Variants in IL31RA observed in about 807,000 individuals in gnomAD.
IL31RA encodes interleukin-31 receptor subunit alpha.
Under a neutral mutation model 83.7 loss-of-function variants are expected in IL31RA, and 66 were observed. The observed-to-expected ratio is 0.79, with a 90% CI of 0.65 to 0.97. The LOEUF is 0.97. Ranked by LOEUF, IL31RA falls within the 50% of genes least tolerant of loss-of-function variation. The pLI is 0.00. For synonymous variants in IL31RA, 325 were observed against 329.0 expected, an observed-to-expected ratio of 0.99 and a Z score of 0.13; for missense variants, 798 against 919.4, an observed-to-expected ratio of 0.87 and a Z score of 1.71.
rs760987920 is a variant in IL31RA at position 55,917,902 on chromosome 5, C to T, written c.*782C>T. ...AGCCTGGGAGCAGAAAGGCACCTGACATTGCAGTGGTTGTCATATAGGGAC... is the reference window on the plus strand; with the variant it reads ...AGCCTGGGAGCAGAAAGGCACCTGATATTGCAGTGGTTGTCATATAGGGAC... On this transcript the variant is annotated 3_prime_UTR_variant, in exon 15 of 15. Coordinates refer to ENST00000652347, the MANE Select transcript of IL31RA (RefSeq NM_139017.7). Among the ~76,000 whole-genome samples, 1 of 152,190 alleles carries T rather than the reference C, an allele frequency of 6.6e-6. No individual in the cohort carries two copies. Among genetic ancestry groups the T allele is most frequent in the South Asian group, 2.1e-4 (1 of 4,838 alleles).
intron 8 of IL31RA, among the ~76,000 whole-genome samples, chr5:55,901,677 G>A (rs1195514477): frequency 2.0e-5 from 3 of 151,618 alleles, no homozygotes; most frequent in African/African-American, 7.3e-5. Flanking sequence ...GTGCAATGGT[G>A]TGATCTCAGC....
At chr5:55,861,762 A>G (rs1367811242) in intron 2 of IL31RA, among the ~76,000 whole-genome samples, 1 of 152,104 alleles carries the variant, frequency 6.6e-6, no homozygotes, top group African/African-American at 2.4e-5. Context: ...TCTGTCTTCT[A>G]TCTCTGTTTT....
At chr5:55,908,971 A>G (rs1749334268) in intron 11 of IL31RA, 6 of 826,564 alleles carry the variant, frequency 7.3e-6, no homozygotes, top group Non-Finnish European at 9.2e-6. Flanking sequence ...ATATTGTGCA[A>G]CCATCACCAC....
rs1256983893 is a variant in IL31RA at position 55,921,379 on chromosome 5, G to A, written c.*4259G>A. Reference sequence around the variant, plus strand: ...GAACATCCATGAAAAACCCCATGGCGGGCCTGCATGGTGTGGTTTGCTAAG... The same window carrying A: ...GAACATCCATGAAAAACCCCATGGCAGGCCTGCATGGTGTGGTTTGCTAAG... On this transcript the variant is annotated 3_prime_UTR_variant, in exon 15 of 15. Coordinates refer to ENST00000652347, the MANE Select transcript of IL31RA (RefSeq NM_139017.7). Among the ~76,000 whole-genome samples, 2 of 152,194 alleles carry A rather than the reference G, an allele frequency of 1.3e-5. No homozygotes were observed. Among genetic ancestry groups the A allele is most frequent in the East Asian group, 1.9e-4 (1 of 5,200 alleles).
At chr5:55,886,268 C>CTTTGTTTTTTTT (rs1747602818) in intron 5 of IL31RA, among the ~76,000 whole-genome samples, 1 of 71,510 alleles carries the variant, frequency 1.4e-5, no homozygotes, top group African/African-American at 7.3e-5. Flanking sequence ...TGCTTGCTTG[C>CTTTGTTTTTTTT]TTTTTTTTTT....
At position 55,864,001 on chromosome 5, in the gene IL31RA, G is replaced by A. The variant is rs992304824; in HGVS notation, c.154+4402G>A. Among the ~76,000 whole-genome samples the A allele has an allele frequency of 2.0e-5, 3 of 152,080 alleles. No homozygotes were observed. In the East Asian group the frequency reaches 5.8e-4, roughly 29 times the overall value. ...CTATTCCTCCATTGATATCTTGGTG[G>A]CTGGCTTTGGATTCAACCAACGCAA... On this transcript the variant is annotated intron_variant, in intron 2 of 14. Coordinates refer to ENST00000652347, the MANE Select transcript of IL31RA (RefSeq NM_139017.7).
chr5:55,866,918 T>G (rs1261073399), intron 2 of IL31RA, among the ~76,000 whole-genome samples: 3 of 152,228 alleles, frequency 2.0e-5, no homozygotes, highest in African/African-American at 7.2e-5. Flanking sequence ...TAGACCTTCC[T>G]TTGATATATA....
intron 1 of IL31RA, among the ~76,000 whole-genome samples, chr5:55,852,495 A>T (rs1256233165): frequency 1.3e-5 from 2 of 152,164 alleles, no homozygotes; most frequent in African/African-American, 4.8e-5. Context: ...TCTCATAATT[A>T]TAATCTTCTA....
At chr5:55,851,114 A>G (rs950373932), upstream of IL31RA, among the ~76,000 whole-genome samples, 2 of 152,180 alleles carry the variant, frequency 1.3e-5, no homozygotes, top group African/African-American at 4.8e-5. Flanking sequence ...AAAAAAAAGA[A>G]AAAAAGAAAA....
chr5:55,847,234 A>G (rs1240968130), upstream of IL31RA, among the ~76,000 whole-genome samples: 1 of 42,194 alleles, frequency 2.4e-5, no homozygotes, highest in African/African-American at 1.1e-4. Context: ...CAGAAAAAAA[A>G]AAAAAAATAA....
intron 2 of IL31RA, among the ~76,000 whole-genome samples, chr5:55,862,862 G>C (rs2112321054): frequency 6.6e-6 from 1 of 152,242 alleles, no homozygotes; most frequent in South Asian, 2.1e-4. Flanking sequence ...AAGTATTTCT[G>C]GGTTTAGGGG....
At chr5:55,910,455 T>A in intron 11 of IL31RA, 77 bp from the exon 12 acceptor site, 2 of 1,531,740 alleles carry the variant, frequency 1.3e-6, no homozygotes, top group Non-Finnish European at 1.8e-6. Flanking sequence ...GTTCCAATGC[T>A]CTTATTTTGG....
chr5:55,851,879 T>A (rs1015832642), intron 1 of IL31RA, among the ~76,000 whole-genome samples: 3 of 152,254 alleles, frequency 2.0e-5, no homozygotes, highest in Admixed American at 6.5e-5. Flanking sequence ...TCCAAAGATT[T>A]GTTGACATCT....
chr5:55,855,168 A>G (rs1360951550), intron 1 of IL31RA, among the ~76,000 whole-genome samples: 1 of 151,832 alleles, frequency 6.6e-6, no homozygotes, highest in Non-Finnish European at 1.5e-5. Flanking sequence ...TTTATTTGAG[A>G]CAGTCTCACT....
the IL31RA span, among the ~76,000 whole-genome samples, chr5:55,843,390 TA>T: frequency 6.6e-6 from 1 of 152,140 alleles, no homozygotes; most frequent in African/African-American, 2.4e-5. Flanking sequence ...TGGTGGGAAA[TA>T]TGTCCTCCAC....
chr5:55,887,217 T>C (rs910623055), intron 5 of IL31RA, among the ~76,000 whole-genome samples: 1 of 152,218 alleles, frequency 6.6e-6, no homozygotes. Flanking sequence ...TCCCCATTTT[T>C]GCAGATTAGG....
At chr5:55,842,047 T>C in the IL31RA span, among the ~76,000 whole-genome samples, 33 of 152,308 alleles carry the variant, frequency 2.2e-4, no homozygotes, top group Non-Finnish European at 2.9e-4. Flanking sequence ...CCTAAAATGC[T>C]GGGATTACAG....
At chr5:55,910,969 C>T (rs2112576194) in intron 12 of IL31RA, among the ~76,000 whole-genome samples, 1 of 152,304 alleles carries the variant, frequency 6.6e-6, no homozygotes, top group East Asian at 1.9e-4. Context: ...TCAGTCTTAG[C>T]ACCAAACCAG....
At position 55,857,305 on chromosome 5, in the gene IL31RA, T is replaced by G. The variant is rs1745419433; in HGVS notation, c.64-2204T>G. On this transcript the variant is annotated intron_variant, in intron 1 of 14. Transcript: ENST00000652347. ...TTGTAGAGATGGGGTATCACCATGTTGCTCAGGCTGGTCTTGAACTCCTGA... is the reference window on the plus strand; with the variant it reads ...TTGTAGAGATGGGGTATCACCATGTGGCTCAGGCTGGTCTTGAACTCCTGA... Among the ~76,000 whole-genome samples the G allele has an allele frequency of 4.6e-5, 7 of 152,122 alleles. 1 individual carries two copies. Among genetic ancestry groups the G allele is most frequent in the Admixed American group, 4.6e-4 (7 of 15,264 alleles).
Sources: gnomAD v4.1 joint callset for allele counts (sites outside exome capture counted in the v4.1 genomes callset) on GRCh38, gnomAD v4.1.1 for gene constraint, MANE v1.5 for transcripts, NCBI Gene and HGNC (gene_info 2026-07-23, HGNC 2026-07-21) for gene names.